CCDC178: variants seen among roughly 807,000 people sequenced by gnomAD.
CCDC178 encodes coiled-coil domain containing 178, also known as coiled-coil domain-containing protein 178.
CCDC178 carries 126 observed loss-of-function variants against 117.4 expected under a neutral mutation model. The ratio of observed to expected loss-of-function variants is 1.07; its 90% CI spans 0.93 to 1.24. The LOEUF (loss-of-function observed/expected upper bound fraction) is 1.24, where lower values mean the gene tolerates loss of function less well. CCDC178 is among the 50% of genes most tolerant of loss of function. CCDC178 has a pLI of 0.00. For synonymous variants in CCDC178, 283 were observed against 313.4 expected (o/e 0.90, Z 1.02); for missense variants, 1,030 against 986.9 (o/e 1.04, Z -0.59).
intron 18 of CCDC178, among the ~76,000 whole-genome samples, chr18:33,218,264 T>C (rs990812214): frequency 6.6e-6 from 1 of 152,172 alleles, no homozygotes; most frequent in Non-Finnish European, 1.5e-5. Context: ...GAGAAGTGTC[T>C]GCTCATATCC....
chr18:33,358,020 T>C (rs2063079670), intron 6 of CCDC178, among the ~76,000 whole-genome samples: 2 of 152,012 alleles, frequency 1.3e-5, no homozygotes, highest in South Asian at 4.1e-4. Context: ...TTAGGCTATA[T>C]GGTATAGTCT....
intron 2 of CCDC178, among the ~76,000 whole-genome samples, chr18:33,425,268 T>C (rs2064105380): frequency 6.6e-6 from 1 of 152,148 alleles, no homozygotes; most frequent in South Asian, 2.1e-4. Flanking sequence ...AGGAATTTGA[T>C]TGACTGTCCT....
intron 6 of CCDC178, among the ~76,000 whole-genome samples, chr18:33,369,032 C>T (rs1285180145): frequency 1.3e-5 from 2 of 151,834 alleles, no homozygotes; most frequent in East Asian, 3.9e-4. Context: ...TTAATTTCTG[C>T]TCTTTATTTC....
intron 12 of CCDC178, among the ~76,000 whole-genome samples, chr18:33,292,493 T>C (rs1317191414): frequency 6.6e-6 from 1 of 151,962 alleles, no homozygotes; most frequent in Non-Finnish European, 1.5e-5. Flanking sequence ...AGAAGTAAGT[T>C]TTAGTGTTCT....
rs147447875 is a variant in CCDC178, at chr18:32,944,115, C to G, written c.2524-6024G>C. ...CCCCTACCCCCAGTAAACCAGAGCACAAAATATGGTTTGGCCTCAAGGGAT... is the reference window on the plus strand; with the variant it reads ...CCCCTACCCCCAGTAAACCAGAGCAGAAAATATGGTTTGGCCTCAAGGGAT... On this transcript the variant is annotated intron_variant, in intron 22 of 22. Transcript: ENST00000383096. Among the ~76,000 whole-genome samples, 345 of 151,932 alleles carry G rather than the reference C, an allele frequency of 2.3e-3. 1 individual carries two copies. Among genetic ancestry groups the G allele is most frequent in the African/African-American group, 7.0e-3 (288 of 41,416 alleles).
chr18:33,006,233 G>A (rs535119126), intron 21 of CCDC178, among the ~76,000 whole-genome samples: 41 of 151,990 alleles, frequency 2.7e-4, no homozygotes, highest in Non-Finnish European at 5.3e-4. Context: ...TGCTTAAGAG[G>A]TACCATTTTA....
At chr18:33,326,776 C>T (rs984357082) in intron 10 of CCDC178, among the ~76,000 whole-genome samples, 49 of 151,310 alleles carry the variant, frequency 3.2e-4, no homozygotes, top group African/African-American at 1.1e-3. Flanking sequence ...ATTGAGCAGC[C>T]CTCTGGCCTA....
intron 21 of CCDC178, among the ~76,000 whole-genome samples, chr18:32,987,982 C>A (rs932205247): frequency 1.3e-5 from 2 of 151,784 alleles, no homozygotes; most frequent in Non-Finnish European, 1.5e-5. Flanking sequence ...GAGACTGAGG[C>A]AGGAGAATCG....
intron 4 of CCDC178, among the ~76,000 whole-genome samples, chr18:33,391,586 T>C (rs949115402): frequency 2.0e-5 from 3 of 152,166 alleles, no homozygotes; most frequent in Non-Finnish European, 2.9e-5. Context: ...ATAACTAATC[T>C]ACTGTACAGT....
chr18:32,984,630 C>T lies in CCDC178; in HGVS notation c.2389-9949G>A, dbSNP rs1269811822. 4.7e-5 allele frequency among the ~76,000 whole-genome samples: 7 copies of T among 150,320 alleles called. No homozygotes were observed. In the South Asian group the frequency reaches 8.3e-4, roughly 18 times the overall value. On this transcript the variant is annotated intron_variant, in intron 21 of 22. Coordinates refer to ENST00000383096, the MANE Select transcript of CCDC178 (RefSeq NM_001105528.4). ...GTTCAATAAGAAATAAATGAATGAA[C>T]GTATATGATTAATTCTAAAATTATT...
At chr18:33,256,344 C>G (rs1372651409) in intron 14 of CCDC178, among the ~76,000 whole-genome samples, 1 of 151,930 alleles carries the variant, frequency 6.6e-6, no homozygotes, top group African/African-American at 2.4e-5. Flanking sequence ...ACGAGTAAAA[C>G]TATGTCTTGA....
chr18:33,241,611 C>T (rs2059489290), intron 15 of CCDC178, among the ~76,000 whole-genome samples: 1 of 151,094 alleles, frequency 6.6e-6, no homozygotes, highest in Admixed American at 6.6e-5. Context: ...ATCCTACTTA[C>T]AATAGCTATA....
chr18:33,033,578 C>G (rs1298730534), intron 21 of CCDC178, among the ~76,000 whole-genome samples: 3 of 152,022 alleles, frequency 2.0e-5, no homozygotes, highest in African/African-American at 2.4e-5. Context: ...CAAAAATATT[C>G]AAACTTTCCC....
intron 9 of CCDC178, among the ~76,000 whole-genome samples, chr18:33,339,230 G>A (rs1041688630): frequency 2.8e-4 from 42 of 151,978 alleles, no homozygotes; most frequent in African/African-American, 1.0e-3. Context: ...AAGCAAATAA[G>A]ATATGGGAAA....
chr18:32,969,914 TAA>T (rs753888629), intron 22 of CCDC178, among the ~76,000 whole-genome samples: 1 of 151,832 alleles, frequency 6.6e-6, no homozygotes, highest in African/African-American at 2.4e-5. Flanking sequence ...TAAGTAAAAA[TAA>T]AAAATAATGG....
chr18:33,238,557 C>T (rs979421571), intron 15 of CCDC178, among the ~76,000 whole-genome samples: 7 of 151,706 alleles, frequency 4.6e-5, no homozygotes, highest in Non-Finnish European at 1.0e-4. Flanking sequence ...AAGAAGAAGG[C>T]AGAATTTATG....
chr18:33,418,579 TAA>T (rs111702364), intron 2 of CCDC178, among the ~76,000 whole-genome samples: 1 of 145,986 alleles, frequency 6.8e-6, no homozygotes, highest in East Asian at 2.0e-4. Flanking sequence ...TTTCTATATC[TAA>T]AAAAAAAAAC....
chr18:33,255,979 A>G (rs201589888), intron 14 of CCDC178, among the ~76,000 whole-genome samples: 1 of 4,894 alleles, frequency 2.0e-4, no homozygotes, highest in Non-Finnish European at 1.3e-3. Context: ...AGAAAGAGAG[A>G]AAAAAAAAAA....
chr18:33,286,826 A>G (rs2144849702), intron 12 of CCDC178, among the ~76,000 whole-genome samples: 1 of 152,330 alleles, frequency 6.6e-6, no homozygotes, highest in South Asian at 2.1e-4. Context: ...TTATCAACTG[A>G]TAAAATCAGA....
Sources: gnomAD v4.1 joint callset for allele counts (sites outside exome capture counted in the v4.1 genomes callset) on GRCh38, gnomAD v4.1.1 for gene constraint, MANE v1.5 for transcripts, NCBI Gene and HGNC (gene_info 2026-07-23, HGNC 2026-07-21) for gene names.